Variants in SLC25A24 observed in about 807,000 individuals in gnomAD.
The protein encoded by SLC25A24 is mitochondrial adenyl nucleotide antiporter SLC25A24.
A neutral mutation model predicts 60.7 loss-of-function variants in SLC25A24; 49 were observed. The ratio of observed to expected loss-of-function variants is 0.81; its 90% CI spans 0.64 to 1.02. The LOEUF (loss-of-function observed/expected upper bound fraction) is 1.02. Among genes scored for constraint, SLC25A24 ranks in the 50% least tolerant of loss-of-function variants. The pLI, the probability that SLC25A24 is intolerant of heterozygous loss-of-function variation, is 0.00. For missense variants in SLC25A24, 564 were observed against 586.3 expected, an observed-to-expected ratio of 0.96 and a Z score of 0.39; for synonymous variants, 202 against 200.6, an observed-to-expected ratio of 1.01 and a Z score of -0.06.
At chr1:108,136,937 A>G in intron 9 of SLC25A24, 100 bp from the exon 10 acceptor site, 1 of 1,127,870 alleles carries the variant, frequency 8.9e-7, no homozygotes, top group Non-Finnish European at 1.3e-6. Flanking sequence ...AATACAGTAA[A>G]AGGACAACAT....
intron 3 of SLC25A24, among the ~76,000 whole-genome samples, chr1:108,164,983 G>A (rs1024812000): frequency 2.4e-4 from 34 of 144,152 alleles, no homozygotes; most frequent in African/African-American, 9.0e-4. Context: ...AGAGATTCTG[G>A]TATGTTGTGT....
chr1:108,182,172 TA>T (rs1311258984), intron 2 of SLC25A24, 144 bp from the exon 3 acceptor site: 11 of 559,086 alleles, frequency 2.0e-5, no homozygotes, highest in Non-Finnish European at 3.2e-6. Flanking sequence ...TAGACTTGCT[TA>T]AATGCCTATC....
chr1:108,173,787 G>C (rs1647568372), intron 3 of SLC25A24, among the ~76,000 whole-genome samples: 1 of 152,174 alleles, frequency 6.6e-6, no homozygotes, highest in South Asian at 2.1e-4. Flanking sequence ...TAGTAATATG[G>C]GCAATGAAGT....
rs1255178562 is a variant in SLC25A24 at position 108,136,501 on chromosome 1, C to T, written c.*152G>A. The T allele has an allele frequency of 4.9e-6, 3 of 618,350 alleles. No homozygotes were observed. The Admixed American group carries it at 9.3e-5, about 19-fold the overall frequency. 38.3% of individuals were successfully genotyped at this position (618,350 alleles called of 1,614,324 possible). ...CATTTCTGTGTACATATAATTTAGC[C>T]CAAAAGTTTGAAGTGACCATTGTTA... On this transcript the variant is annotated 3_prime_UTR_variant, in exon 10 of 10. Coordinates refer to ENST00000565488, the MANE Select transcript of SLC25A24 (RefSeq NM_013386.5).
At position 108,181,945 on chromosome 1, in the gene SLC25A24, G is replaced by C. The variant is rs928323140; in HGVS notation, c.394C>G (p.Gln132Glu). The change falls in exon 3 of 10, where the codon CAA becomes GAA. Residue 132 changes from glutamine to glutamate, a missense_variant. By Grantham distance (29) the Gln-to-Glu change is conservative (BLOSUM62 2). Coordinates refer to ENST00000565488, the MANE Select transcript of SLC25A24 (RefSeq NM_013386.5). ...ISEQQAELIL[Q>E]SIDVDGTMTV... ...TGACCAACATGAAGAGCTTACCTTT[G>C]AAGAATCAACTCTGCTTGTTGTTCA... The C allele has an allele frequency of 1.2e-6, 2 of 1,604,780 alleles. No individual in the cohort carries two copies. Among genetic ancestry groups the C allele is most frequent in the Non-Finnish European group, 8.5e-7 (1 of 1,172,262 alleles).
intron 5 of SLC25A24, among the ~76,000 whole-genome samples, chr1:108,156,237 T>C (rs1679896951): frequency 6.6e-6 from 1 of 152,204 alleles, no homozygotes. Flanking sequence ...TAATAAACCA[T>C]AACCAGGGGT....
chr1:108,181,634 T>C (rs116664239), intron 3 of SLC25A24, among the ~76,000 whole-genome samples: 6 of 152,306 alleles, frequency 3.9e-5, no homozygotes, highest in African/African-American at 1.4e-4. Context: ...ACATTAGAAA[T>C]CAAATGGAGA....
At chr1:108,147,075 A>C (rs1252991226) in intron 7 of SLC25A24, among the ~76,000 whole-genome samples, 1 of 152,184 alleles carries the variant, frequency 6.6e-6, no homozygotes, top group East Asian at 1.9e-4. Flanking sequence ...GCTATTAATT[A>C]CTGCCTCAAT....
chr1:108,143,624 GC>G lies in SLC25A24; in HGVS notation c.1016del (p.Gly339AlafsTer14). 6.2e-7 allele frequency: 1 copy of G among 1,613,560 alleles called. No homozygotes were observed. Among genetic ancestry groups the G allele is most frequent in the East Asian group, 2.2e-5 (1 of 44,856 alleles). On this transcript the variant is annotated frameshift_variant, in exon 8 of 10. Coordinates refer to ENST00000565488, the MANE Select transcript of SLC25A24 (RefSeq NM_013386.5). LOFTEE classifies it high-confidence loss of function. ...CATAGCCTTTGTAAAAAGCTCCCAAGCCTTCATGTTTCAAAATCTTCTTGGC... is the reference window on the plus strand; with the variant it reads ...CATAGCCTTTGTAAAAAGCTCCCAAGCTTCATGTTTCAAAATCTTCTTGGC... Reference protein sequence around the residue: ...DCAKKILKHEGLGAFYKGYVP... With the variant: ...DCAKKILKHEXLGAFYKGYVP...
chr1:108,192,832 G>A lies in SLC25A24; in HGVS notation c.184-6878C>T, dbSNP rs903800484. The A allele has an allele frequency of 2.3e-5, 27 of 1,166,890 alleles. 2 individuals carry two copies. Among genetic ancestry groups the A allele is most frequent in the Non-Finnish European group, 2.9e-5 (27 of 922,582 alleles). The allele number at this position is 1,166,890 out of a possible 1,614,324, so 72.3% of individuals were successfully genotyped here. ...CCTAACGGCTTCAGCGCAAAGGCGC[G>A]AGCGCGCAGGACCCGGGACCTGCGT... On this transcript the variant is annotated intron_variant, in intron 1 of 9. Transcript: ENST00000565488.
At chr1:108,192,992 G>C (rs1427071601) in intron 1 of SLC25A24, among the ~76,000 whole-genome samples, 1 of 139,490 alleles carries the variant, frequency 7.2e-6, no homozygotes, top group South Asian at 2.8e-4. Flanking sequence ...AACTTCCAGG[G>C]AGAACCCAGC....
chr1:108,179,286 T>C (rs999470528), intron 3 of SLC25A24, among the ~76,000 whole-genome samples: 2 of 152,146 alleles, frequency 1.3e-5, no homozygotes, highest in African/African-American at 4.8e-5. Context: ...TGCACCCTGT[T>C]GGTGAGGAGT....
chr1:108,147,543 GC>G (rs1444649208), intron 7 of SLC25A24, among the ~76,000 whole-genome samples: 1 of 151,840 alleles, frequency 6.6e-6, no homozygotes, highest in Non-Finnish European at 1.5e-5. Context: ...TTCCTGTGTT[GC>G]CCACTTTTTA....
At chr1:108,170,626 A>G (rs1464452287) in intron 3 of SLC25A24, among the ~76,000 whole-genome samples, 1 of 152,054 alleles carries the variant, frequency 6.6e-6, no homozygotes, top group Non-Finnish European at 1.5e-5. Flanking sequence ...TAAAAATTGT[A>G]TATCCTCATA....
intron 1 of SLC25A24, among the ~76,000 whole-genome samples, chr1:108,187,009 G>A (rs1188804442): frequency 6.6e-6 from 1 of 151,502 alleles, no homozygotes; most frequent in Non-Finnish European, 1.5e-5. Flanking sequence ...CCTGGGAGGT[G>A]GAGGTTGCTG....
chr1:108,158,856 A>G (rs892696859), intron 4 of SLC25A24, among the ~76,000 whole-genome samples: 2 of 152,092 alleles, frequency 1.3e-5, no homozygotes, highest in African/African-American at 4.8e-5. Context: ...AAAAAAAATT[A>G]GCCAGGCGCA....
intron 3 of SLC25A24, among the ~76,000 whole-genome samples, chr1:108,166,813 G>T (rs994572488): frequency 1.3e-4 from 20 of 152,308 alleles, no homozygotes; most frequent in Non-Finnish European, 2.2e-4. Flanking sequence ...TCTCCATCCA[G>T]CTTTGTTCCG....
At chr1:108,139,627 G>C (rs1035321550) in intron 8 of SLC25A24, among the ~76,000 whole-genome samples, 5 of 152,086 alleles carry the variant, frequency 3.3e-5, no homozygotes, top group Non-Finnish European at 7.4e-5. Context: ...TCTCAGCGGA[G>C]TTTTTGTTTG....
intron 8 of SLC25A24, among the ~76,000 whole-genome samples, 176 bp from the exon 9 acceptor site, chr1:108,139,384 T>TG (rs1013152328): frequency 6.6e-6 from 1 of 152,186 alleles, no homozygotes; most frequent in African/African-American, 2.4e-5. Context: ...GGGAGGCCAC[T>TG]GGGGGTGCGG....
Sources: gnomAD v4.1 joint callset for allele counts (sites outside exome capture counted in the v4.1 genomes callset) on GRCh38, gnomAD v4.1.1 for gene constraint, MANE v1.5 for transcripts, NCBI Gene and HGNC (gene_info 2026-07-23, HGNC 2026-07-21) for gene names.